COBL: variants seen among roughly 807,000 people sequenced by gnomAD.
The protein encoded by COBL is cordon-bleu WH2 repeat protein.
Under a neutral mutation model 98.8 loss-of-function variants are expected in COBL, and 51 were observed. That is an observed-to-expected ratio of 0.52 (90% CI 0.41 to 0.65). The LOEUF (loss-of-function observed/expected upper bound fraction) is 0.65, where lower values mean the gene tolerates loss of function less well. COBL is among the 30% of genes least tolerant of loss of function. The probability of loss-of-function intolerance (pLI) is 0.00; values close to 1 mark genes in which losing one functional copy is unlikely to be tolerated. For synonymous variants in COBL, 634 were observed against 651.7 expected (o/e 0.97, Z 0.41); for missense variants, 1,617 against 1,617.5 (o/e 1.00, Z 0.01).
intron 1 of COBL, among the ~76,000 whole-genome samples, chr7:51,238,842 C>CATA (rs1220930232): frequency 3.3e-5 from 5 of 152,094 alleles, no homozygotes; most frequent in African/African-American, 1.2e-4. Flanking sequence ...CCTAAATATA[C>CATA]CAGTCAGGAA....
chr7:51,216,207 T>C (rs974012199), intron 2 of COBL, among the ~76,000 whole-genome samples: 1 of 152,034 alleles, frequency 6.6e-6, no homozygotes, highest in African/African-American at 2.4e-5. Context: ...TTTGACGGAG[T>C]CTCAACTCTG....
intron 2 of COBL, among the ~76,000 whole-genome samples, chr7:51,194,977 CT>C: frequency 6.6e-6 from 1 of 151,946 alleles, no homozygotes; most frequent in East Asian, 1.9e-4. Context: ...TATCTGTTTA[CT>C]CTGTTGATAG....
intron 1 of COBL, chr7:51,259,462 T>C: frequency 1.8e-6 from 1 of 549,900 alleles, no homozygotes; most frequent in Non-Finnish European, 3.3e-6. Context: ...GATTGATGTG[T>C]TCACCCCGAC....
chr7:51,170,065 C>T (rs1289152830), intron 5 of COBL, among the ~76,000 whole-genome samples: 1 of 152,066 alleles, frequency 6.6e-6, no homozygotes, highest in Non-Finnish European at 1.5e-5. Context: ...AAAAGCATTA[C>T]CCACTCTCAT....
intron 6 of COBL, among the ~76,000 whole-genome samples, chr7:51,088,310 T>G (rs1206633464): frequency 6.6e-6 from 1 of 151,356 alleles, no homozygotes; most frequent in Non-Finnish European, 1.5e-5. Flanking sequence ...TATTTTTTTC[T>G]TGAGTACTCT....
chr7:51,106,709 T>C (rs903205923), intron 6 of COBL, among the ~76,000 whole-genome samples: 5 of 152,226 alleles, frequency 3.3e-5, no homozygotes, highest in Non-Finnish European at 5.9e-5. Context: ...CAGTTCTTGA[T>C]GTTCCACTTG....
chr7:51,170,133 A>T (rs1787704804), intron 5 of COBL, among the ~76,000 whole-genome samples: 1 of 152,120 alleles, frequency 6.6e-6, no homozygotes, highest in Admixed American at 6.5e-5. Context: ...CCATTTGCAC[A>T]CTTAGATTTC....
intron 4 of COBL, among the ~76,000 whole-genome samples, chr7:51,187,017 A>G (rs1789588866): frequency 6.6e-6 from 1 of 152,214 alleles, no homozygotes; most frequent in South Asian, 2.1e-4. Flanking sequence ...ACTCTAATTT[A>G]CACGTAATTA....
intron 6 of COBL, among the ~76,000 whole-genome samples, chr7:51,129,878 C>A (rs1044369482): frequency 1.3e-5 from 2 of 152,142 alleles, no homozygotes; most frequent in East Asian, 1.9e-4. Context: ...TGTTTAGATA[C>A]CTGTTGCTCT....
chr7:51,045,015 G>A (rs769033279), intron 7 of COBL, among the ~76,000 whole-genome samples: 12 of 152,238 alleles, frequency 7.9e-5, no homozygotes, highest in Non-Finnish European at 1.6e-4. Flanking sequence ...GAGATATGCT[G>A]AATGCAGTGA....
intron 1 of COBL, among the ~76,000 whole-genome samples, chr7:51,296,711 A>T (rs191374534): frequency 1.3e-5 from 2 of 152,278 alleles, no homozygotes. Flanking sequence ...GATTACTCAC[A>T]GGGAGGTGCT....
In COBL at chr7:51,197,797, G is replaced by C. The variant is rs1330184263; in HGVS notation, c.246-4208C>G. On this transcript the variant is annotated intron_variant, in intron 2 of 12. Transcript: ENST00000265136. ...TTCTTTGTCTTTTTTTATCGTTGTT[G>C]ATTTAAAATCTGTTGTGTCTGAAAT... is the stretch of plus-strand genomic sequence containing the variant. Among the ~76,000 whole-genome samples, 6 of 152,136 alleles carry C rather than the reference G, an allele frequency of 3.9e-5. No homozygotes were observed. The East Asian group carries it at 1.2e-3, about 29-fold the overall frequency.
intron 6 of COBL, among the ~76,000 whole-genome samples, chr7:51,122,867 G>A (rs113916171): frequency 0.051 from 7,715 of 151,914 alleles, 288 homozygotes; most frequent in Middle Eastern, 0.13. Flanking sequence ...TAATCCCAGC[G>A]ACTCAGGAGG....
chr7:51,026,662 C>A lies in COBL; in HGVS notation c.3388G>T (p.Ala1130Ser). The A allele has an allele frequency of 1.2e-6, 2 of 1,613,612 alleles. No individual in the cohort carries two copies. The highest frequency in any genetic ancestry group is 1.7e-6 in the Non-Finnish European group (2 of 1,179,816). The change falls in exon 11 of 13, where the codon GCA becomes TCA. Residue 1130 changes from alanine to serine, a missense_variant. Around this residue, in one of 3 missense-constraint regions of COBL, gnomAD observed 1,304 missense variants for 1,282.0 expected, o/e 1.02. Transcript: ENST00000265136. ...AGGKDRLRKT[A>S]EHTGEGRPAK... ...GGCCTGCCCTCCCCGGTGTGTTCTG[C>A]CGTCTAGAATATTAACAGTGTCACA... is the stretch of plus-strand genomic sequence containing the variant.
intron 1 of COBL, among the ~76,000 whole-genome samples, chr7:51,240,505 G>A (rs562749551): frequency 1.3e-5 from 2 of 152,262 alleles, no homozygotes; most frequent in South Asian, 4.1e-4. Context: ...TCAGCAACTG[G>A]CTCTACGGAA....
intron 6 of COBL, among the ~76,000 whole-genome samples, chr7:51,108,693 G>A (rs1255465069): frequency 2.0e-5 from 3 of 152,054 alleles, no homozygotes; most frequent in African/African-American, 7.3e-5. Flanking sequence ...CCATAACTCA[G>A]AAAAAGTGGA....
intron 5 of COBL, chr7:51,156,531 C>G (rs936952417): frequency 2.0e-6 from 2 of 985,040 alleles, no homozygotes; most frequent in Non-Finnish European, 1.2e-6. Flanking sequence ...ATTACAGATC[C>G]AGAATATATC....
At chr7:51,080,709 C>A (rs1033486970) in intron 7 of COBL, among the ~76,000 whole-genome samples, 3 of 152,120 alleles carry the variant, frequency 2.0e-5, no homozygotes, top group Non-Finnish European at 4.4e-5. Context: ...TAGGCAAGTG[C>A]TTGTAGCTGG....
At chr7:51,234,238 G>A (rs975710295) in intron 1 of COBL, among the ~76,000 whole-genome samples, 1 of 152,182 alleles carries the variant, frequency 6.6e-6, no homozygotes, top group East Asian at 1.9e-4. Context: ...CTGGGCTGGC[G>A]AAACCTGAGC....
Sources: allele counts gnomAD v4.1 joint callset (sites outside exome capture counted in the v4.1 genomes callset), GRCh38; gene constraint gnomAD v4.1.1; regional missense constraint gnomAD v4.1.1; transcripts MANE v1.5; gene names NCBI Gene and HGNC (gene_info 2026-07-23, HGNC 2026-07-21).